Variants in KIAA0513 observed in about 807,000 individuals in gnomAD.
The protein encoded by KIAA0513 is KIAA0513.
Under a neutral mutation model 56.5 loss-of-function variants are expected in KIAA0513, and 39 were observed. That is an observed-to-expected ratio of 0.69 (90% CI 0.53 to 0.90). The LOEUF (loss-of-function observed/expected upper bound fraction) is 0.90, where lower values mean the gene tolerates loss of function less well. KIAA0513 is among the 40% of genes least tolerant of loss of function. The pLI, the probability that KIAA0513 is intolerant of heterozygous loss-of-function variation, is 0.00. For synonymous variants in KIAA0513, 268 were observed against 215.6 expected (o/e 1.24, Z -2.13); for missense variants, 591 against 535.2 (o/e 1.10, Z -1.03).
intron 1 of KIAA0513, among the ~76,000 whole-genome samples, chr16:85,035,569 C>A (rs1029903930): frequency 6.6e-6 from 1 of 152,218 alleles, no homozygotes; most frequent in Non-Finnish European, 1.5e-5. Context: ...CCGCTCACTG[C>A]AGCCTTGATC....
intron 2 of KIAA0513, among the ~76,000 whole-genome samples, chr16:85,070,376 C>G (rs954804044): frequency 1.3e-5 from 2 of 152,012 alleles, no homozygotes; most frequent in African/African-American, 4.8e-5. Context: ...AAATATCTGA[C>G]TGTCTCAAAA....
intron 1 of KIAA0513, among the ~76,000 whole-genome samples, chr16:85,057,782 T>TTC: frequency 1.3e-5 from 2 of 151,638 alleles, no homozygotes; most frequent in Middle Eastern, 3.4e-3. Flanking sequence ...TTTTTTTTTT[T>TTC]TCTCTCTCTC....
At chr16:85,036,396 T>C (rs924699596) in intron 1 of KIAA0513, among the ~76,000 whole-genome samples, 1 of 152,230 alleles carries the variant, frequency 6.6e-6, no homozygotes, top group African/African-American at 2.4e-5. Flanking sequence ...TGGATTCGCC[T>C]GCTCTGGACA....
intron 2 of KIAA0513, 38 bp from the exon 3 acceptor site, chr16:85,071,745 T>G (rs1277167502): frequency 2.4e-5 from 35 of 1,448,976 alleles, no homozygotes; most frequent in Non-Finnish European, 2.8e-5. Flanking sequence ...GAAAAGGGTT[T>G]TTTTTTTTTT....
intron 1 of KIAA0513, among the ~76,000 whole-genome samples, chr16:85,044,776 G>T (rs2073149351): frequency 6.6e-6 from 1 of 151,888 alleles, no homozygotes; most frequent in Admixed American, 6.6e-5. Flanking sequence ...AAAGTGCTGG[G>T]ATTACAGGCA....
intron 1 of KIAA0513, among the ~76,000 whole-genome samples, chr16:85,059,426 C>A (rs2073373129): frequency 6.6e-6 from 1 of 152,176 alleles, no homozygotes; most frequent in African/African-American, 2.4e-5. Context: ...TTTGGGGTTC[C>A]CCCTGAGCCA....
chr16:85,034,352 T>G (rs2073006702), intron 1 of KIAA0513, among the ~76,000 whole-genome samples: 1 of 152,028 alleles, frequency 6.6e-6, no homozygotes, highest in South Asian at 2.1e-4. Flanking sequence ...TGAACTCCAG[T>G]CTGGGCGACA....
At chr16:85,041,053 G>C in intron 1 of KIAA0513, among the ~76,000 whole-genome samples, 1 of 152,138 alleles carries the variant, frequency 6.6e-6, no homozygotes, top group East Asian at 1.9e-4. Flanking sequence ...TATATATTAA[G>C]GTCCCCTAAA....
Position 85,088,477 on chromosome 16 carries a change from G to C in KIAA0513, c.*152G>C. 1.6e-6 allele frequency: 1 copy of C among 639,358 alleles called. No homozygotes were observed. Among genetic ancestry groups the C allele is most frequent in the Non-Finnish European group, 2.8e-6 (1 of 360,192 alleles). 39.6% of individuals were successfully genotyped at this position (639,358 alleles called of 1,614,324 possible). A position where few individuals can be genotyped will look rare whatever the true frequency, so the allele number is the denominator to read the frequency against. On this transcript the variant is annotated 3_prime_UTR_variant, in exon 13 of 13. Coordinates refer to ENST00000683363, the MANE Select transcript of KIAA0513 (RefSeq NM_001388359.1). Reference sequence around the variant, plus strand: ...CTAGAACTAGCGGTTAGAAGAATCCGCTGTTCCTCCCTCATCTCCTCTGCC... The same window carrying C: ...CTAGAACTAGCGGTTAGAAGAATCCCCTGTTCCTCCCTCATCTCCTCTGCC...
Position 85,067,164 on chromosome 16 carries a change from G to A in KIAA0513, c.93G>A (p.Leu31=). The change falls in exon 2 of 13, where the codon CTG becomes CTA. Residue 31 remains leucine (L), a synonymous_variant. Transcript: ENST00000683363. Reference sequence around the variant, plus strand: ...CCCTGGAGGCACCACCCCCTGTGCTGCAGGACGGCGATGGCTCCCTGGGGG... The same window carrying A: ...CCCTGGAGGCACCACCCCCTGTGCTACAGGACGGCGATGGCTCCCTGGGGG... ...SSPLEAPPPV[L]QDGDGSLGDG... is the part of the protein sequence containing the mutation. 1 of 1,614,148 alleles carries A rather than the reference G, an allele frequency of 6.2e-7. No homozygotes were observed. Among genetic ancestry groups the A allele is most frequent in the Non-Finnish European group, 8.5e-7 (1 of 1,180,012 alleles).
Position 85,035,128 on chromosome 16 carries a change from C to T in KIAA0513, c.-173+7270C>T, listed in dbSNP as rs767287832. 4.6e-5 allele frequency among the ~76,000 whole-genome samples: 7 copies of T among 152,306 alleles called. No homozygotes were observed. The East Asian group carries it at 1.4e-3, about 29-fold the overall frequency. On this transcript the variant is annotated intron_variant, in intron 1 of 12. Coordinates refer to ENST00000683363, the MANE Select transcript of KIAA0513 (RefSeq NM_001388359.1). ...AATCCCAGGCCCCAGGACATCTTCC[C>T]GGAGCCCCCAGTTCTCCGAGCATGG...
intron 10 of KIAA0513, among the ~76,000 whole-genome samples, chr16:85,085,156 C>A (rs1278488958): frequency 6.6e-6 from 1 of 152,236 alleles, no homozygotes; most frequent in Admixed American, 6.5e-5. Flanking sequence ...CTGGACAACC[C>A]TCAGGGTGGC....
In KIAA0513 at chr16:85,076,906, C is replaced by G. The variant is rs1361707355; in HGVS notation, c.575-519C>G. Among the ~76,000 whole-genome samples the G allele has an allele frequency of 6.6e-6, 1 of 152,222 alleles. No individual in the cohort carries two copies. Among genetic ancestry groups the G allele is most frequent in the African/African-American group, 2.4e-5 (1 of 41,454 alleles). ...CACCCCACTGGGACCTGCAGAGGGCCTTTGACCTATAGTGGGCACTGAGGC... is the reference window on the plus strand; with the variant it reads ...CACCCCACTGGGACCTGCAGAGGGCGTTTGACCTATAGTGGGCACTGAGGC... On this transcript the variant is annotated intron_variant, in intron 5 of 12. Coordinates refer to ENST00000683363, the MANE Select transcript of KIAA0513 (RefSeq NM_001388359.1). The surrounding 1 kb of genome is among the most constrained non-coding windows in gnomAD (Gnocchi z 4.7).
intron 1 of KIAA0513, among the ~76,000 whole-genome samples, chr16:85,040,173 G>C (rs930702011): frequency 2.0e-5 from 3 of 152,194 alleles, no homozygotes; most frequent in African/African-American, 7.2e-5. Flanking sequence ...CAGAGATTGA[G>C]ATTCTTTGAA....
rs1486392291 is a variant in KIAA0513, at chr16:85,090,968, G to A, written c.*2643G>A. ...GCAGACCCAGCCACACTGCTCAAAG[G>A]TCCCTGCGTGGGGAGGTGTCACACC... On this transcript the variant is annotated 3_prime_UTR_variant, in exon 13 of 13. Coordinates refer to ENST00000683363, the MANE Select transcript of KIAA0513 (RefSeq NM_001388359.1). 1 of 152,282 alleles carries A rather than the reference G, an allele frequency of 6.6e-6. No individual in the cohort carries two copies. The highest frequency in any genetic ancestry group is 1.5e-5 in the Non-Finnish European group (1 of 68,084). 9.4% of individuals were successfully genotyped at this position (152,282 alleles called of 1,614,324 possible). A position where few individuals can be genotyped will look rare whatever the true frequency, so the allele number is the denominator to read the frequency against.
intron 1 of KIAA0513, among the ~76,000 whole-genome samples, chr16:85,054,651 A>G (rs1468890243): frequency 1.3e-5 from 2 of 151,926 alleles, no homozygotes; most frequent in Non-Finnish European, 2.9e-5. Flanking sequence ...GCTGGTCTCG[A>G]ACTCTTGACC....
chr16:85,039,841 C>CTTT (rs371739572), intron 1 of KIAA0513, among the ~76,000 whole-genome samples: 2 of 143,514 alleles, frequency 1.4e-5, no homozygotes, highest in Non-Finnish European at 1.5e-5. Flanking sequence ...GTTTTCTTTT[C>CTTT]TTTTTTTTTT....
Position 85,071,809 on chromosome 16 carries a change from C to T in KIAA0513, c.356C>T (p.Ala119Val), listed in dbSNP as rs768371741. Residue 119 changes from alanine to valine, a missense_variant, in exon 3 of 13, where the codon GCC becomes GTC. By Grantham distance (64) the Ala-to-Val change is moderately conservative. Transcript: ENST00000683363. ...GAGGACTTGGATCAGGAGGAGAAAG[C>T]CAAGTTTGGAGAGTACTGCAGCAGT... ...GGEDLDQEEK[A>V]KFGEYCSSEN... The T allele has an allele frequency of 1.9e-5, 30 of 1,601,974 alleles. No homozygotes were observed. Among genetic ancestry groups the T allele is most frequent in the Non-Finnish European group, 2.5e-5 (30 of 1,177,390 alleles).
intron 8 of KIAA0513, 75 bp downstream of exon 8, chr16:85,079,078 G>C (rs2073704455): frequency 6.2e-7 from 1 of 1,610,600 alleles, no homozygotes; most frequent in East Asian, 2.2e-5. Context: ...ATCACTTCTA[G>C]CTGCCTTTGT....
Sources: gnomAD v4.1 joint callset for allele counts (sites outside exome capture counted in the v4.1 genomes callset) on GRCh38, gnomAD v4.1.1 for gene constraint, Gnocchi (gnomAD v3.1) non-coding constraint, MANE v1.5 for transcripts, NCBI Gene and HGNC (gene_info 2026-07-23, HGNC 2026-07-21) for gene names.